The following TLE4 variants were observed in gnomAD, a reference collection of about 807,000 sequenced individuals.
The protein encoded by TLE4 is transducin-like enhancer protein 4.
Under a neutral mutation model 92.8 loss-of-function variants are expected in TLE4, and 8 were observed. The observed-to-expected ratio is 0.09, with a 90% CI of 0.05 to 0.16. The LOEUF (loss-of-function observed/expected upper bound fraction) is 0.16, where lower values mean the gene tolerates loss of function less well. Among genes scored for constraint, TLE4 ranks in the 10% least tolerant of loss-of-function variants. The pLI is 1.00. For missense variants in TLE4, 675 were observed against 997.6 expected (o/e 0.68, Z 4.36); for synonymous variants, 371 against 374.1 (o/e 0.99, Z 0.10).
Position 79,573,145 on chromosome 9 carries a change from G to A in TLE4, c.45+310G>A, listed in dbSNP as rs535455981. 1,381 of 730,296 alleles carry A rather than the reference G, an allele frequency of 1.9e-3. 1 individual carries two copies. Among genetic ancestry groups the A allele is most frequent in the Middle Eastern group, 2.7e-3 (5 of 1,874 alleles). The allele number at this position is 730,296 out of a possible 1,614,324, so 45.2% of individuals were successfully genotyped here. ...CGAGGGGGGGTGGCGAGCGATGAAGGAGGCGCGACTCCGCGCCCGGGCGGG... is the reference window on the plus strand; with the variant it reads ...CGAGGGGGGGTGGCGAGCGATGAAGAAGGCGCGACTCCGCGCCCGGGCGGG... On this transcript the variant is annotated intron_variant, in intron 1 of 19. Transcript: ENST00000376552.
intron 4 of TLE4, among the ~76,000 whole-genome samples, chr9:79,606,838 T>C (rs2047121165): frequency 6.6e-6 from 1 of 152,138 alleles, no homozygotes; most frequent in Admixed American, 6.6e-5. Flanking sequence ...AGTAAACATA[T>C]GTGTGCATGT....
chr9:79,598,093 A>AAAAAAAAC (rs1564261702), intron 4 of TLE4, among the ~76,000 whole-genome samples: 3 of 150,048 alleles, frequency 2.0e-5, no homozygotes, highest in African/African-American at 7.4e-5. Flanking sequence ...AAAAAAAAAA[A>AAAAAAAAC]AAAAACTTAC....
Position 79,725,273 on chromosome 9 carries a change from T to TC in TLE4, c.*133dup. ...TACTCATTGCAGTTGTGGAGTTTAA[T>TC]CCCCTTTCTTAACCTCACTTCCCAC... is the stretch of plus-strand genomic sequence containing the variant. On this transcript the variant is annotated 3_prime_UTR_variant, in exon 20 of 20. Coordinates refer to ENST00000376552, the MANE Select transcript of TLE4 (RefSeq NM_007005.6). The TC allele has an allele frequency of 1.6e-6, 1 of 626,560 alleles. No homozygotes were observed. Among genetic ancestry groups the TC allele is most frequent in the South Asian group, 2.0e-5 (1 of 51,224 alleles). 38.8% of individuals were successfully genotyped at this position (626,560 alleles called of 1,614,324 possible).
Position 79,726,258 on chromosome 9 carries a change from C to G in TLE4, c.*1114C>G, listed in dbSNP as rs952323034. ...GTCCCTGAAATGGACACAGGCTGTGCCATTGTGCCAGAAACATTGTGTTAT... is the reference window on the plus strand; with the variant it reads ...GTCCCTGAAATGGACACAGGCTGTGGCATTGTGCCAGAAACATTGTGTTAT... On this transcript the variant is annotated 3_prime_UTR_variant, in exon 20 of 20. Coordinates refer to ENST00000376552, the MANE Select transcript of TLE4 (RefSeq NM_007005.6). 2.0e-5 allele frequency: 3 copies of G among 152,612 alleles called. No individual in the cohort carries two copies. Among genetic ancestry groups the G allele is most frequent in the Non-Finnish European group, 4.4e-5 (3 of 68,044 alleles). The allele number at this position is 152,612 out of a possible 1,614,324, so 9.5% of individuals were successfully genotyped here. A position where few individuals can be genotyped will look rare whatever the true frequency, so the allele number is the denominator to read the frequency against.
At chr9:79,669,053 G>A (rs2061845003) in intron 8 of TLE4, among the ~76,000 whole-genome samples, 1 of 152,138 alleles carries the variant, frequency 6.6e-6, no homozygotes. Context: ...CTTCATTTGT[G>A]CATGTATTTT....
intron 4 of TLE4, chr9:79,580,371 A>G (rs750378704): frequency 1.3e-5 from 2 of 152,212 alleles, no homozygotes; most frequent in Non-Finnish European, 2.9e-5. Context: ...GTTGTTAATT[A>G]GGTTGGTGTT....
At chr9:79,677,552 T>A (rs192796516) in intron 8 of TLE4, among the ~76,000 whole-genome samples, 437 of 152,190 alleles carry the variant, frequency 2.9e-3, no homozygotes, top group African/African-American at 0.01. Context: ...GAAACTTTTT[T>A]AATTTTTTTG....
chr9:79,678,782 C>G (rs754499228), intron 8 of TLE4, among the ~76,000 whole-genome samples: 10 of 151,706 alleles, frequency 6.6e-5, no homozygotes, highest in Admixed American at 6.6e-5. Flanking sequence ...TGCCCCCACC[C>G]TACAACAGTC....
rs150338789 is a variant in TLE4, at chr9:79,681,804, CAGAG to C, written c.610-22962_610-22959del. 9.4e-3 allele frequency among the ~76,000 whole-genome samples: 1,096 copies of C among 116,956 alleles called. 8 individuals carry two copies. Among genetic ancestry groups the C allele is most frequent in the African/African-American group, 0.021 (687 of 32,232 alleles). The allele number at this position is 116,956 out of a possible 152,430, so 76.7% of individuals were successfully genotyped here. Reference sequence around the variant, plus strand: ...GGAGGAAGAGAGGGAGAGAGGGAGACAGAGAGAGAGAGAGAGAGAGTGTGTGCAT... The same window carrying C: ...GGAGGAAGAGAGGGAGAGAGGGAGACAGAGAGAGAGAGAGAGTGTGTGCAT... On this transcript the variant is annotated intron_variant, in intron 8 of 19. Transcript: ENST00000376552.
Position 79,725,199 on chromosome 9 carries a change from A to G in TLE4, c.*55A>G. ...CCTCCTGGTAGCACTTTGCTCTGTC[A>G]TCCTTTTTGTTCACCCCCATCCCCG... On this transcript the variant is annotated 3_prime_UTR_variant, in exon 20 of 20. Transcript: ENST00000376552. 1 of 1,355,574 alleles carries G rather than the reference A, an allele frequency of 7.4e-7. No homozygotes were observed. The highest frequency in any genetic ancestry group is 1.2e-5 in the South Asian group (1 of 84,296). The allele number at this position is 1,355,574 out of a possible 1,614,324, so 84.0% of individuals were successfully genotyped here. A position where few individuals can be genotyped will look rare whatever the true frequency, so the allele number is the denominator to read the frequency against.
chr9:79,643,616 G>T (rs1218989295), intron 6 of TLE4, among the ~76,000 whole-genome samples: 13 of 152,008 alleles, frequency 8.6e-5, no homozygotes, highest in Admixed American at 8.5e-4. Flanking sequence ...TTGTCTGTTT[G>T]TTTCTGATTG....
At chr9:79,574,792 G>T (rs2037187670) in intron 2 of TLE4, 81 bp from the exon 3 acceptor site, 7 of 1,168,624 alleles carry the variant, frequency 6.0e-6, no homozygotes, top group Middle Eastern at 2.0e-4. Context: ...TTGTTTGTAG[G>T]TGAGATTTAG....
chr9:79,611,981 A>G (rs1194803455), intron 4 of TLE4, among the ~76,000 whole-genome samples: 4 of 151,472 alleles, frequency 2.6e-5, no homozygotes, highest in Non-Finnish European at 5.9e-5. Context: ...TAGTTTCCAG[A>G]TACATACAGA....
chr9:79,617,848 A>G (rs2050021118), intron 5 of TLE4, among the ~76,000 whole-genome samples: 1 of 151,782 alleles, frequency 6.6e-6, no homozygotes, highest in East Asian at 1.9e-4. Flanking sequence ...AAAAAAAAAA[A>G]GCTTGTTTCT....
chr9:79,575,876 A>G, intron 3 of TLE4: 1 of 314,398 alleles, frequency 3.2e-6, no homozygotes, highest in Middle Eastern at 8.6e-4. Flanking sequence ...CTTGGGATGT[A>G]TAAAGAAACT....
At position 79,672,139 on chromosome 9, in the gene TLE4, G is replaced by A. The variant is rs549486868; in HGVS notation, c.609+18064G>A. On this transcript the variant is annotated intron_variant, in intron 8 of 19. Transcript: ENST00000376552. ...CCCTCCTGTCCTGGGGAGAGAGGGTGCGCAGAATGGAAATTCAGCTTGCTC... is the reference window on the plus strand; with the variant it reads ...CCCTCCTGTCCTGGGGAGAGAGGGTACGCAGAATGGAAATTCAGCTTGCTC... Among the ~76,000 whole-genome samples, 6 of 151,470 alleles carry A rather than the reference G, an allele frequency of 4.0e-5. No individual in the cohort carries two copies. The South Asian group carries it at 1.0e-3, about 26-fold the overall frequency.
chr9:79,592,275 C>CTTTT (rs1170642342), intron 4 of TLE4, among the ~76,000 whole-genome samples: 1 of 106,922 alleles, frequency 9.4e-6, no homozygotes. Context: ...TCTTCTTCTT[C>CTTTT]TTTTTTTTTT....
intron 6 of TLE4, among the ~76,000 whole-genome samples, chr9:79,641,368 T>G (rs530289249): frequency 6.6e-6 from 1 of 152,234 alleles, no homozygotes; most frequent in Admixed American, 6.5e-5. Flanking sequence ...AAAGAGCAAC[T>G]AAAAGTTCAG....
intron 8 of TLE4, among the ~76,000 whole-genome samples, chr9:79,672,236 C>A (rs1388684296): frequency 6.6e-6 from 1 of 151,930 alleles, no homozygotes; most frequent in Non-Finnish European, 1.5e-5. Flanking sequence ...GGCCAGAGTC[C>A]TGGAAAGTAA....
Sources: gnomAD v4.1 joint callset for allele counts (sites outside exome capture counted in the v4.1 genomes callset) on GRCh38, gnomAD v4.1.1 for gene constraint, MANE v1.5 for transcripts, NCBI Gene and HGNC (gene_info 2026-07-23, HGNC 2026-07-21) for gene names.